HYDIN: variants seen among roughly 807,000 people sequenced by gnomAD.
HYDIN encodes the protein HYDIN axonemal central pair apparatus protein, also known as axonemal central pair apparatus protein HYDIN.
Under a neutral mutation model 403.9 loss-of-function variants are expected in HYDIN, and 132 were observed. The ratio of observed to expected loss-of-function variants is 0.33; its 90% confidence interval spans 0.28 to 0.38. The LOEUF is 0.38. Ranked by LOEUF, HYDIN falls within the 10% of genes least tolerant of loss-of-function variation. The pLI is 1.00. For missense variants in HYDIN, 2,827 were observed against 5,009.5 expected (o/e 0.56, Z 13.15); for synonymous variants, 1,202 against 1,891.7 (o/e 0.64, Z 9.46).
At chr16:71,015,291 G>A (rs58926144) in intron 23 of HYDIN, among the ~76,000 whole-genome samples, 5,481 of 151,766 alleles carry the variant, frequency 0.036, 107 homozygotes, top group African/African-American at 0.12. Flanking sequence ...AGAGAAAAAC[G>A]GTTAAATAAA....
chr16:70,922,375 C>G (rs1397884260), intron 45 of HYDIN, among the ~76,000 whole-genome samples: 1 of 152,220 alleles, frequency 6.6e-6, no homozygotes, highest in Non-Finnish European at 1.5e-5. Context: ...TGGAGGCTAG[C>G]AGTAAACTAT....
chr16:70,941,361 A>T (rs2077665043), intron 43 of HYDIN: 1 of 268,180 alleles, frequency 3.7e-6, no homozygotes, highest in African/African-American at 2.2e-5. Context: ...AAAACCAACA[A>T]GGAAATCAGT....
chr16:70,927,977 A>G (rs546688324), intron 45 of HYDIN, among the ~76,000 whole-genome samples: 1 of 152,176 alleles, frequency 6.6e-6, no homozygotes, highest in South Asian at 2.1e-4. Flanking sequence ...AACAAAAAAA[A>G]CAAACACCCA....
chr16:70,902,817 A>ATTTTTTTT (rs2076423845), intron 52 of HYDIN, among the ~76,000 whole-genome samples: 1 of 15,650 alleles, frequency 6.4e-5, no homozygotes, highest in African/African-American at 2.8e-4. Context: ...ATATATATAT[A>ATTTTTTTT]TATATTTTTT....
intron 84 of HYDIN, among the ~76,000 whole-genome samples, chr16:70,810,673 CAG>C (rs2035433134): frequency 6.6e-6 from 1 of 151,880 alleles, no homozygotes; most frequent in African/African-American, 2.4e-5. Context: ...CTAAAAAAAA[CAG>C]AAAAATTAGC....
chr16:70,895,865 T>C lies in HYDIN; in HGVS notation c.9148+116A>G. 6 of 1,420,382 alleles carry C rather than the reference T, an allele frequency of 4.2e-6. No individual in the cohort carries two copies. In the East Asian group the frequency reaches 7.0e-5, roughly 16 times the overall value. 88.0% of individuals were successfully genotyped at this position (1,420,382 alleles called of 1,614,324 possible). ...GGGCTCACATTATTATTTATTAAAA[T>C]TGCCCCATGCCCAATCCCTGCAATA... On this transcript the variant is annotated intron_variant, in intron 54 of 85. Coordinates refer to ENST00000393567, the MANE Select transcript of HYDIN (RefSeq NM_001270974.2).
In HYDIN at chr16:70,892,387, C is replaced by G. The variant is rs375151457; in HGVS notation, c.9391G>C (p.Glu3131Gln). 2 of 1,569,994 alleles carry G rather than the reference C, an allele frequency of 1.3e-6. No homozygotes were observed. Among genetic ancestry groups the G allele is most frequent in the African/African-American group, 2.7e-5 (2 of 73,466 alleles). ...TGACAGCGCAGAACAGGCTGGTGCT[C>G]AATCTTCACTTCCTTTTTTGCATGG... The part of the protein sequence containing the change: ...FFHAKKEVKI[E>Q]HQPVLRCQII... The change falls in exon 56 of 86, where the codon GAG becomes CAG. Residue 3131 changes from glutamate to glutamine, a missense_variant. Glu to Gln is a conservative substitution (Grantham distance 29). Transcript: ENST00000393567.
At chr16:71,073,986 T>A (rs1017425278) in intron 13 of HYDIN, among the ~76,000 whole-genome samples, 4 of 152,096 alleles carry the variant, frequency 2.6e-5, no homozygotes, top group African/African-American at 9.7e-5. Context: ...CACCCATCTA[T>A]CTCAACATCA....
intron 18 of HYDIN, among the ~76,000 whole-genome samples, chr16:71,059,996 T>C (rs868771758): frequency 6.6e-6 from 1 of 152,138 alleles, no homozygotes; most frequent in Non-Finnish European, 1.5e-5. Context: ...ACAAACTACC[T>C]TAAAATATTG....
At chr16:71,163,312 C>T (rs1194263445) in intron 5 of HYDIN, among the ~76,000 whole-genome samples, 2 of 151,920 alleles carry the variant, frequency 1.3e-5, no homozygotes, top group African/African-American at 2.4e-5. Context: ...TTAGTAGAGA[C>T]GGGGTTTCAC....
intron 18 of HYDIN, among the ~76,000 whole-genome samples, chr16:71,055,942 C>G (rs1031331266): frequency 6.6e-6 from 1 of 152,130 alleles, no homozygotes; most frequent in African/African-American, 2.4e-5. Flanking sequence ...AAGGAGGCAT[C>G]TGTCCTCCAG....
rs368579966 is a variant in HYDIN at position 70,855,222 on chromosome 16, C to T, written c.12349G>A (p.Asp4117Asn). Residue 4117 changes from aspartate to asparagine, a missense_variant, in exon 73 of 86, where the codon GAT (aspartate) becomes AAT (asparagine). Physicochemically the swap from Asp to Asn is conservative, Grantham distance 23. Transcript: ENST00000393567. The stretch of plus-strand genomic sequence containing the variant: ...CGGGAGTTGTCCTGGAAGGAAAAAT[C>T]GAACCCCTGCTCCTCCTTGTTAATG... ...QIINKEEQGF[D>N]FSFQDNSRYS... 4.5e-5 allele frequency: 71 copies of T among 1,567,174 alleles called. 3 individuals carry two copies. In the South Asian group the frequency reaches 6.7e-4, roughly 15 times the overall value.
chr16:70,854,341 T>C (rs1031953968), intron 73 of HYDIN, among the ~76,000 whole-genome samples: 4 of 148,478 alleles, frequency 2.7e-5, no homozygotes, highest in Non-Finnish European at 5.9e-5. Context: ...TTCAAGTGAT[T>C]CTCATGCCTC....
At position 71,056,127 on chromosome 16, in the gene HYDIN, G is replaced by GTTTTT. The variant is rs57845299; in HGVS notation, c.2529+4372_2529+4376dup. On this transcript the variant is annotated intron_variant, in intron 18 of 85. Coordinates refer to ENST00000393567, the MANE Select transcript of HYDIN (RefSeq NM_001270974.2). ...TCTCCGTTCCCACATTCTGAGATTT[G>GTTTTT]TTTTTTTTTTTTTTTTTTTTTACTC... 2.5e-4 allele frequency among the ~76,000 whole-genome samples: 27 copies of GTTTTT among 106,216 alleles called. 1 individual carries two copies. The highest frequency in any genetic ancestry group is 3.3e-4 in the South Asian group (1 of 2,992). The allele number at this position is 106,216 out of a possible 152,430, so 69.7% of individuals were successfully genotyped here. A position where few individuals can be genotyped will look rare whatever the true frequency, so the allele number is the denominator to read the frequency against.
At chr16:71,182,439 T>C (rs1410346043) in intron 3 of HYDIN, among the ~76,000 whole-genome samples, 8 of 152,036 alleles carry the variant, frequency 5.3e-5, no homozygotes, top group Non-Finnish European at 2.9e-5. Context: ...AGAAGCAGTA[T>C]GATTAAAGAC....
chr16:70,834,069 G>A lies in HYDIN; in HGVS notation c.13497C>T (p.Pro4499=). ...ATTCCATGAACACTTCCTCAGAGAA[G>A]GGAGGGACACGCTTCTTCGGGGCAA... ...VIFAPKKRVP[P]FSEEVFMECM... is the part of the protein sequence containing the mutation. Residue 4499 remains proline (P), a synonymous_variant, in exon 79 of 86, where the codon CCC becomes CCT. Transcript: ENST00000393567. The A allele has an allele frequency of 6.2e-7, 1 of 1,602,522 alleles. No homozygotes were observed. The highest frequency in any genetic ancestry group is 8.5e-7 in the Non-Finnish European group (1 of 1,170,774).
At chr16:70,810,613 C>T (rs1245639753) in intron 84 of HYDIN, among the ~76,000 whole-genome samples, 2 of 152,086 alleles carry the variant, frequency 1.3e-5, no homozygotes, top group African/African-American at 4.8e-5. Flanking sequence ...GGGTGGATCA[C>T]AAGGTCAGGA....
At chr16:71,206,073 T>C (rs1188933183) in intron 1 of HYDIN, among the ~76,000 whole-genome samples, 1 of 152,126 alleles carries the variant, frequency 6.6e-6, no homozygotes, top group African/African-American at 2.4e-5. Context: ...CTGGCAATCC[T>C]ACCCACCCCA....
intron 23 of HYDIN, among the ~76,000 whole-genome samples, chr16:70,992,713 T>C (rs1336548114): frequency 6.6e-6 from 1 of 151,816 alleles, no homozygotes; most frequent in Non-Finnish European, 1.5e-5. Context: ...TGACCTTGCC[T>C]CCTACAATGT....
Sources: allele counts gnomAD v4.1 joint callset (sites outside exome capture counted in the v4.1 genomes callset), GRCh38; gene constraint gnomAD v4.1.1; transcripts MANE v1.5; gene names NCBI Gene and HGNC (gene_info 2026-07-23, HGNC 2026-07-21).